CAMK1D: variants seen among roughly 807,000 people sequenced by gnomAD.
CAMK1D encodes calcium/calmodulin-dependent protein kinase type 1D.
In CAMK1D, 9 loss-of-function variants were observed where a neutral mutation model predicts 47.7. That is an observed-to-expected ratio of 0.19 (90% confidence interval 0.11 to 0.33). CAMK1D has a LOEUF of 0.33. Among genes scored for constraint, CAMK1D ranks in the 10% least tolerant of loss-of-function variants. CAMK1D has a pLI of 1.00. For synonymous variants in CAMK1D, 184 were observed against 184.9 expected, an observed-to-expected ratio of 0.99 and a Z score of 0.04; for missense variants, 291 against 488.7, an observed-to-expected ratio of 0.60 and a Z score of 3.81.
chr10:12,431,402 A>T (rs976665055), intron 1 of CAMK1D, among the ~76,000 whole-genome samples: 4 of 152,180 alleles, frequency 2.6e-5, no homozygotes, highest in African/African-American at 7.2e-5. Context: ...GGTGAGCTGG[A>T]GGCTGTGATC....
At chr10:12,422,947 A>T (rs1840107833) in intron 1 of CAMK1D, among the ~76,000 whole-genome samples, 1 of 151,228 alleles carries the variant, frequency 6.6e-6, no homozygotes, top group African/African-American at 2.4e-5. Flanking sequence ...TGCTGGAGTT[A>T]CAGGCGTGAG....
At chr10:12,595,790 G>T (rs1838131506) in intron 2 of CAMK1D, among the ~76,000 whole-genome samples, 1 of 152,172 alleles carries the variant, frequency 6.6e-6, no homozygotes, top group Admixed American at 6.5e-5. Context: ...AGAGACCACA[G>T]AAGAAAGGGG....
At chr10:12,482,401 G>A (rs773165892) in intron 1 of CAMK1D, among the ~76,000 whole-genome samples, 2 of 152,146 alleles carry the variant, frequency 1.3e-5, no homozygotes, top group Non-Finnish European at 2.9e-5. Context: ...TATAACACCC[G>A]GTAGCCAAAA....
chr10:12,602,895 G>GTTA (rs71386103), intron 2 of CAMK1D, among the ~76,000 whole-genome samples: 1,808 of 134,388 alleles, frequency 0.013, 21 homozygotes, highest in East Asian at 0.045. Context: ...CTAACTGCTT[G>GTTA]TTATTATTAT....
intron 2 of CAMK1D, among the ~76,000 whole-genome samples, chr10:12,601,176 T>A (rs1481190423): frequency 5.1e-5 from 1 of 19,600 alleles, no homozygotes; most frequent in African/African-American, 6.8e-5. Flanking sequence ...ATGATAGTTT[T>A]TTTTTTTTGT....
chr10:12,742,655 G>A (rs1267197763), intron 3 of CAMK1D, among the ~76,000 whole-genome samples: 1 of 152,166 alleles, frequency 6.6e-6, no homozygotes, highest in Non-Finnish European at 1.5e-5. Flanking sequence ...TTAGCTTGAA[G>A]GGCTCTTTAG....
rs537314693 is a variant in CAMK1D at position 12,802,645 on chromosome 10, C to T, written c.641+11412C>T. On this transcript the variant is annotated intron_variant, in intron 6 of 10. Coordinates refer to ENST00000619168, the MANE Select transcript of CAMK1D (RefSeq NM_153498.4). ...AAGCAATTCTCCTGCCTCAGCCTCC[C>T]GAGTAGCTGAGATTACAGCTGTGTG... Among the ~76,000 whole-genome samples, 46 of 152,230 alleles carry T rather than the reference C, an allele frequency of 3.0e-4. No individual in the cohort carries two copies. The South Asian group carries it at 8.9e-3, about 29-fold the overall frequency.
At chr10:12,766,663 A>G (rs1836778985) in intron 4 of CAMK1D, among the ~76,000 whole-genome samples, 1 of 151,968 alleles carries the variant, frequency 6.6e-6, no homozygotes, top group Admixed American at 6.6e-5. Context: ...TACCCTCACT[A>G]TCTGCAAAAT....
chr10:12,535,038 C>T (rs79204413), intron 1 of CAMK1D, among the ~76,000 whole-genome samples: 2 of 152,208 alleles, frequency 1.3e-5, no homozygotes, highest in African/African-American at 2.4e-5. Flanking sequence ...AGCCGCTGGC[C>T]ACATTGCTGC....
At chr10:12,826,021 C>A in intron 10 of CAMK1D, 1 of 269,368 alleles carries the variant, frequency 3.7e-6, no homozygotes, top group Non-Finnish European at 7.1e-6. Context: ...CCTGTAATGT[C>A]AGCTACTTGG....
At chr10:12,583,612 T>TA (rs1837727933) in intron 2 of CAMK1D, among the ~76,000 whole-genome samples, 1 of 151,086 alleles carries the variant, frequency 6.6e-6, no homozygotes, top group African/African-American at 2.4e-5. Flanking sequence ...TTTATTTTTT[T>TA]TTTTTTTTGA....
intron 1 of CAMK1D, among the ~76,000 whole-genome samples, chr10:12,423,150 G>T (rs1307243698): frequency 1.3e-5 from 2 of 152,114 alleles, no homozygotes; most frequent in Non-Finnish European, 2.9e-5. Context: ...TCTAGGACTT[G>T]GGCAATTTCC....
chr10:12,447,411 A>T (rs1832954263), intron 1 of CAMK1D, among the ~76,000 whole-genome samples: 1 of 152,148 alleles, frequency 6.6e-6, no homozygotes, highest in South Asian at 2.1e-4. Context: ...AAAATGTTTA[A>T]ATTTTTAGGG....
At chr10:12,417,775 T>C (rs968322393) in intron 1 of CAMK1D, among the ~76,000 whole-genome samples, 3 of 151,656 alleles carry the variant, frequency 2.0e-5, no homozygotes, top group African/African-American at 7.3e-5. Flanking sequence ...GGCATCTCTA[T>C]GCTCTTTATA....
At chr10:12,811,665 G>T (rs1485534613) in intron 6 of CAMK1D, among the ~76,000 whole-genome samples, 1 of 152,082 alleles carries the variant, frequency 6.6e-6, no homozygotes, top group Non-Finnish European at 1.5e-5. Flanking sequence ...AATGTTTCTC[G>T]GAATTTTCTT....
At chr10:12,604,970 CT>C (rs1838408833) in intron 2 of CAMK1D, among the ~76,000 whole-genome samples, 1 of 151,962 alleles carries the variant, frequency 6.6e-6, no homozygotes, top group South Asian at 2.1e-4. Context: ...TCACTGCAAC[CT>C]CTGCCTCCTG....
chr10:12,575,139 C>A (rs1211990967), intron 2 of CAMK1D, among the ~76,000 whole-genome samples: 1 of 152,120 alleles, frequency 6.6e-6, no homozygotes, highest in Non-Finnish European at 1.5e-5. Context: ...GTTGCCCAGG[C>A]TGTAGCGTAG....
At chr10:12,590,112 T>G (rs1016453406) in intron 2 of CAMK1D, among the ~76,000 whole-genome samples, 6 of 152,216 alleles carry the variant, frequency 3.9e-5, no homozygotes, top group African/African-American at 1.4e-4. Context: ...TCTCTAGCAC[T>G]TTCTGTCTCA....
intron 5 of CAMK1D, among the ~76,000 whole-genome samples, chr10:12,779,893 C>A (rs1049320451): frequency 1.3e-5 from 2 of 152,158 alleles, no homozygotes; most frequent in African/African-American, 4.8e-5. Context: ...CAGACCTGCA[C>A]CTTGATGCTT....
Sources: gnomAD v4.1 joint callset for allele counts (sites outside exome capture counted in the v4.1 genomes callset) on GRCh38, gnomAD v4.1.1 for gene constraint, MANE v1.5 for transcripts, NCBI Gene and HGNC (gene_info 2026-07-23, HGNC 2026-07-21) for gene names.